Variants in RBPJ observed in about 807,000 individuals in gnomAD.
The protein encoded by RBPJ is recombination signal binding protein for immunoglobulin kappa J region, also known as recombining binding protein suppressor of hairless.
Under a neutral mutation model 67.8 loss-of-function variants are expected in RBPJ, and 9 were observed. The observed-to-expected ratio is 0.13, with a 90% confidence interval of 0.08 to 0.23. The LOEUF is 0.23. Ranked by LOEUF, RBPJ falls within the 10% of genes least tolerant of loss-of-function variation. RBPJ has a pLI of 1.00. For missense variants in RBPJ, 305 were observed against 595.6 expected, an observed-to-expected ratio of 0.51 and a Z score of 5.08; for synonymous variants, 198 against 203.3, an observed-to-expected ratio of 0.97 and a Z score of 0.22.
chr4:26,288,732 GTGAC>G (rs753554574), intron 1 of RBPJ, among the ~76,000 whole-genome samples: 1 of 152,228 alleles, frequency 6.6e-6, no homozygotes, highest in Non-Finnish European at 1.5e-5. Context: ...CATTTCTAGA[GTGAC>G]TCACTGTTTA....
In RBPJ at chr4:26,189,779, A is replaced by C. The variant is rs115874091; in HGVS notation, c.-167+26165A>C. Among the ~76,000 whole-genome samples, 661 of 152,382 alleles carry C rather than the reference A, an allele frequency of 4.3e-3. 3 individuals carry two copies. Among genetic ancestry groups the C allele is most frequent in the African/African-American group, 0.015 (620 of 41,600 alleles). ...CCTAAAATTTCTATCTGTAGGTTTTATCATGGAAATCTTAATAGTTCCAGA... is the reference window on the plus strand; with the variant it reads ...CCTAAAATTTCTATCTGTAGGTTTTCTCATGGAAATCTTAATAGTTCCAGA... On this transcript the variant is annotated intron_variant, in intron 1 of 4. Transcript: ENST00000512351.
chr4:26,202,898 C>A (rs561774149), intron 1 of RBPJ, among the ~76,000 whole-genome samples: 167 of 101,636 alleles, frequency 1.6e-3, no homozygotes, highest in Non-Finnish European at 2.6e-3. Context: ...GCCTGGGCAA[C>A]AGAACCAGAC....
the RBPJ span, among the ~76,000 whole-genome samples, chr4:26,122,785 G>C: frequency 9.2e-5 from 14 of 152,116 alleles, no homozygotes; most frequent in African/African-American, 3.4e-4. Flanking sequence ...TGTAGACTCT[G>C]TGAACCATAT....
rs1365613606 is a variant in RBPJ, at chr4:26,420,358, T to C, written c.322-193T>C. ...GACAATGTTTGTGTTCTACAGACTT[T>C]ATAAGGAAGACTTTGTACTTTTCCG... On this transcript the variant is annotated intron_variant, in intron 4 of 10. Coordinates refer to ENST00000355476, the MANE Select transcript of RBPJ (RefSeq NM_015874.6). Among the ~76,000 whole-genome samples the C allele has an allele frequency of 1.3e-5, 2 of 152,238 alleles. 1 individual carries two copies. Among genetic ancestry groups the C allele is most frequent in the Non-Finnish European group, 2.9e-5 (2 of 68,030 alleles).
intron 1 of RBPJ, among the ~76,000 whole-genome samples, chr4:26,242,864 G>C (rs750367925): frequency 5.3e-5 from 8 of 152,140 alleles, no homozygotes; most frequent in Non-Finnish European, 1.0e-4. Flanking sequence ...AAGCACGTGT[G>C]CTGCATGCTG....
At chr4:26,183,927 G>A (rs971316534) in intron 1 of RBPJ, among the ~76,000 whole-genome samples, 32 of 152,004 alleles carry the variant, frequency 2.1e-4, no homozygotes, top group Non-Finnish European at 3.1e-4. Context: ...CAGGAGAATC[G>A]CTTGAACCCA....
the RBPJ span, among the ~76,000 whole-genome samples, chr4:26,116,491 T>G: frequency 1.3e-5 from 2 of 152,228 alleles, no homozygotes; most frequent in Non-Finnish European, 2.9e-5. Context: ...TTCTCCATCT[T>G]CAAAGTCCGC....
intron 1 of RBPJ, among the ~76,000 whole-genome samples, chr4:26,169,251 T>C (rs1442676476): frequency 6.6e-6 from 1 of 152,128 alleles, no homozygotes; most frequent in Non-Finnish European, 1.5e-5. Context: ...GGGTTTTTGG[T>C]GTGGATGTCC....
chr4:26,118,275 T>G, the RBPJ span, among the ~76,000 whole-genome samples: 3 of 152,324 alleles, frequency 2.0e-5, no homozygotes, highest in East Asian at 5.8e-4. Flanking sequence ...TCTGGAGAAT[T>G]AGAGACACGG....
chr4:26,169,420 G>A (rs770909291), intron 1 of RBPJ, among the ~76,000 whole-genome samples: 2 of 152,196 alleles, frequency 1.3e-5, no homozygotes, highest in African/African-American at 4.8e-5. Context: ...CTGTCTGATC[G>A]TTCCTCTGGA....
At chr4:26,418,595 TG>T (rs35837335) in intron 4 of RBPJ, among the ~76,000 whole-genome samples, 5,015 of 152,236 alleles carry the variant, frequency 0.033, 217 homozygotes, top group African/African-American at 0.1. Context: ...CGTTCTTGTT[TG>T]CCAATATGTC....
intron 1 of RBPJ, among the ~76,000 whole-genome samples, chr4:26,294,327 G>A (rs960859858): frequency 1.2e-4 from 18 of 151,588 alleles, no homozygotes; most frequent in Admixed American, 5.2e-4. Context: ...TTGAACTCCT[G>A]ACCTTGTGAT....
intron 1 of RBPJ, among the ~76,000 whole-genome samples, chr4:26,266,497 A>G (rs1293038692): frequency 6.6e-6 from 1 of 152,182 alleles, no homozygotes; most frequent in Admixed American, 6.5e-5. Context: ...AGCAAGGCCT[A>G]TTTGTTCAGA....
At chr4:26,258,671 G>A (rs1560233077) in intron 1 of RBPJ, among the ~76,000 whole-genome samples, 1 of 152,064 alleles carries the variant, frequency 6.6e-6, no homozygotes, top group Non-Finnish European at 1.5e-5. Context: ...CTTTGTAAGT[G>A]TAATACTAGT....
chr4:26,371,512 A>T (rs1374277210), intron 1 of RBPJ, among the ~76,000 whole-genome samples: 1 of 134,952 alleles, frequency 7.4e-6, no homozygotes, highest in Admixed American at 8.1e-5. Context: ...TTTCCAGTTT[A>T]TTGTGGAAAC....
intron 1 of RBPJ, among the ~76,000 whole-genome samples, chr4:26,173,963 G>A (rs967418054): frequency 6.6e-6 from 1 of 152,192 alleles, no homozygotes; most frequent in Non-Finnish European, 1.5e-5. Flanking sequence ...GAAGGAGACT[G>A]GGAAATTGCT....
At chr4:26,318,580 T>C (rs1722742397), upstream of RBPJ, among the ~76,000 whole-genome samples, 1 of 152,182 alleles carries the variant, frequency 6.6e-6, no homozygotes, top group African/African-American at 2.4e-5. Context: ...ATTTTAAAAA[T>C]CGTGTCCTTA....
intron 1 of RBPJ, among the ~76,000 whole-genome samples, chr4:26,238,880 C>T (rs1488617873): frequency 7.2e-5 from 11 of 152,068 alleles, no homozygotes; most frequent in Non-Finnish European, 1.3e-4. Flanking sequence ...GGCTGTAAGA[C>T]GCCAGCTTTG....
At chr4:26,223,851 GATC>G (rs1718994763) in intron 1 of RBPJ, among the ~76,000 whole-genome samples, 1 of 152,204 alleles carries the variant, frequency 6.6e-6, no homozygotes, top group Non-Finnish European at 1.5e-5. Flanking sequence ...GCACAGAAAG[GATC>G]ATCACATTAT....
Sources: allele counts gnomAD v4.1 joint callset (sites outside exome capture counted in the v4.1 genomes callset), GRCh38; gene constraint gnomAD v4.1.1; transcripts MANE v1.5; gene names NCBI Gene and HGNC (gene_info 2026-07-23, HGNC 2026-07-21).